Variants in SLC16A10 observed in about 807,000 individuals in gnomAD.
SLC16A10 encodes solute carrier family 16 member 10.
In SLC16A10, 27 loss-of-function variants were observed where a neutral mutation model predicts 40.0. The ratio of observed to expected loss-of-function variants is 0.67; its 90% CI spans 0.50 to 0.93. SLC16A10 has a LOEUF of 0.93. SLC16A10 is among the 40% of genes least tolerant of loss of function. SLC16A10 has a pLI of 0.00. For synonymous variants in SLC16A10, 213 were observed against 249.8 expected (o/e 0.85, Z 1.39); for missense variants, 529 against 658.2 (o/e 0.80, Z 2.15).
At chr6:111,221,757 A>C (rs1456046526) in intron 5 of SLC16A10, among the ~76,000 whole-genome samples, 3 of 152,034 alleles carry the variant, frequency 2.0e-5, no homozygotes, top group South Asian at 2.1e-4. Flanking sequence ...AAAAAAAAAA[A>C]ACGTCTACCT....
chr6:111,157,171 G>A (rs1317935444), intron 1 of SLC16A10, among the ~76,000 whole-genome samples: 7 of 152,100 alleles, frequency 4.6e-5, no homozygotes, highest in Admixed American at 1.3e-4. Flanking sequence ...CACCTGCCTC[G>A]GCCTCCCAAA....
At chr6:111,173,185 T>C (rs1263965802) in intron 2 of SLC16A10, among the ~76,000 whole-genome samples, 2 of 152,214 alleles carry the variant, frequency 1.3e-5, no homozygotes, top group Non-Finnish European at 2.9e-5. Context: ...AGCCTTAGTT[T>C]AGGGTCAGTT....
chr6:111,183,245 C>T (rs1362984337), intron 3 of SLC16A10, among the ~76,000 whole-genome samples: 2 of 152,222 alleles, frequency 1.3e-5, no homozygotes, highest in Non-Finnish European at 2.9e-5. Flanking sequence ...CTTGAAACTT[C>T]CTGCGTCCCT....
intron 3 of SLC16A10, among the ~76,000 whole-genome samples, chr6:111,189,688 G>T (rs535819279): frequency 6.6e-6 from 1 of 152,274 alleles, no homozygotes; most frequent in East Asian, 1.9e-4. Context: ...ATGGTGGCAG[G>T]CAGGGGAGTA....
chr6:111,109,000 C>T (rs550216080), intron 1 of SLC16A10, among the ~76,000 whole-genome samples: 27 of 152,022 alleles, frequency 1.8e-4, no homozygotes, highest in Admixed American at 1.4e-3. Flanking sequence ...AGAAAAGAAA[C>T]GTAGATTTAA....
chr6:111,120,738 T>A (rs1436078723), intron 1 of SLC16A10, among the ~76,000 whole-genome samples: 1 of 152,202 alleles, frequency 6.6e-6, no homozygotes, highest in Non-Finnish European at 1.5e-5. Context: ...GAGAACATCA[T>A]ATCATAGTGT....
At chr6:111,114,660 C>T (rs1379654093) in intron 1 of SLC16A10, among the ~76,000 whole-genome samples, 6 of 151,984 alleles carry the variant, frequency 3.9e-5, no homozygotes, top group Non-Finnish European at 1.5e-5. Context: ...TTAGCCAATA[C>T]AGGATGTGGT....
rs60561269 is a variant in SLC16A10, at chr6:111,169,919, CTTTTTT to C, written c.344-2766_344-2761del. ...GGTTTTGTTTTCTTTTCTTTTCTTT[CTTTTTT>C]TTTTTTTTTGAGACAGAATCTCACT... On this transcript the variant is annotated intron_variant, in intron 1 of 5. Transcript: ENST00000368851. Among the ~76,000 whole-genome samples the C allele has an allele frequency of 3.7e-5, 5 of 135,114 alleles. No homozygotes were observed. In the East Asian group the frequency reaches 8.4e-4, roughly 23 times the overall value. 88.6% of individuals were successfully genotyped at this position (135,114 alleles called of 152,430 possible).
At chr6:111,101,080 G>C (rs1209795835) in intron 1 of SLC16A10, among the ~76,000 whole-genome samples, 1 of 149,284 alleles carries the variant, frequency 6.7e-6, no homozygotes, top group Non-Finnish European at 1.5e-5. Flanking sequence ...ACCCAGGCTG[G>C]AGTGCAGTGG....
At chr6:111,215,579 C>G (rs1773407081) in intron 4 of SLC16A10, among the ~76,000 whole-genome samples, 1 of 152,104 alleles carries the variant, frequency 6.6e-6, no homozygotes, top group Non-Finnish European at 1.5e-5. Context: ...TTGAATCTGG[C>G]CCCGTACCAT....
chr6:111,092,165 G>C (rs1382392264), intron 1 of SLC16A10, among the ~76,000 whole-genome samples: 2 of 152,110 alleles, frequency 1.3e-5, no homozygotes, highest in African/African-American at 2.4e-5. Context: ...CCAACTCCAA[G>C]TTGGGCAGTA....
intron 1 of SLC16A10, among the ~76,000 whole-genome samples, chr6:111,103,868 G>C (rs2114445829): frequency 6.6e-6 from 1 of 152,276 alleles, no homozygotes; most frequent in African/African-American, 2.4e-5. Context: ...TCTGACTGTG[G>C]TTTACTATGT....
At chr6:111,203,351 A>G (rs1459753430) in intron 3 of SLC16A10, among the ~76,000 whole-genome samples, 1 of 152,212 alleles carries the variant, frequency 6.6e-6, no homozygotes, top group Non-Finnish European at 1.5e-5. Flanking sequence ...TTTAGTTTGC[A>G]GATTTTGGTG....
At chr6:111,185,378 C>T (rs1410344785) in intron 3 of SLC16A10, among the ~76,000 whole-genome samples, 1 of 152,224 alleles carries the variant, frequency 6.6e-6, no homozygotes, top group African/African-American at 2.4e-5. Flanking sequence ...CGTTTCCCTT[C>T]TGTTCTCTCA....
intron 1 of SLC16A10, among the ~76,000 whole-genome samples, chr6:111,163,528 A>G (rs1772414929): frequency 6.6e-6 from 1 of 152,246 alleles, no homozygotes; most frequent in African/African-American, 2.4e-5. Flanking sequence ...ATTTTGGAAC[A>G]TATGTATTTT....
chr6:111,090,997 G>A (rs1476406840), intron 1 of SLC16A10, among the ~76,000 whole-genome samples: 1 of 152,136 alleles, frequency 6.6e-6, no homozygotes, highest in African/African-American at 2.4e-5. Context: ...TCCAAATGAT[G>A]GTGCGCATTT....
chr6:111,189,400 C>T (rs570968907), intron 3 of SLC16A10, among the ~76,000 whole-genome samples: 1 of 152,228 alleles, frequency 6.6e-6, no homozygotes, highest in African/African-American at 2.4e-5. Context: ...TAAGGCCAAT[C>T]AAGAGTTGGA....
rs1045595431 is a variant in SLC16A10, at chr6:111,087,789, G to A, written c.37G>A (p.Gly13Ser). 4 of 1,259,980 alleles carry A rather than the reference G, an allele frequency of 3.2e-6. No individual in the cohort carries two copies. The highest frequency in any genetic ancestry group is 4.3e-5 in the Admixed American group (1 of 23,174). The allele number at this position is 1,259,980 out of a possible 1,614,324, so 78.1% of individuals were successfully genotyped here. ...CCAGGAGGAGCCGGACTCCGCGCGG[G>A]GCACGAGCGAGGCGCAGCCGCTCGG... The part of the protein sequence containing the change: ...LSQEEPDSAR[G>S]TSEAQPLGPA... The change falls in exon 1 of 6, where the codon GGC becomes AGC. Residue 13 changes from glycine (G) to serine (S), a missense_variant. Physicochemically the swap from Gly to Ser is moderately conservative, Grantham distance 56. Coordinates refer to ENST00000368851, the MANE Select transcript of SLC16A10 (RefSeq NM_018593.5).
At chr6:111,187,481 T>C (rs906983372) in intron 3 of SLC16A10, among the ~76,000 whole-genome samples, 19 of 152,110 alleles carry the variant, frequency 1.2e-4, no homozygotes, top group Non-Finnish European at 2.1e-4. Context: ...CTCCTCCCCC[T>C]GCCCTACAAA....
Sources: gnomAD v4.1 joint callset for allele counts (sites outside exome capture counted in the v4.1 genomes callset) on GRCh38, gnomAD v4.1.1 for gene constraint, MANE v1.5 for transcripts, NCBI Gene and HGNC (gene_info 2026-07-23, HGNC 2026-07-21) for gene names.